Variants in CACNG3 observed in about 807,000 individuals in gnomAD.
The protein encoded by CACNG3 is calcium voltage-gated channel auxiliary subunit gamma 3.
Under a neutral mutation model 28.5 loss-of-function variants are expected in CACNG3, and 3 were observed. The ratio of observed to expected loss-of-function variants is 0.11; its 90% CI spans 0.05 to 0.27. The LOEUF (loss-of-function observed/expected upper bound fraction) is 0.27. Ranked by LOEUF, CACNG3 falls within the 10% of genes least tolerant of loss-of-function variation. The pLI, the probability that CACNG3 is intolerant of heterozygous loss-of-function variation, is 1.00. For missense variants in CACNG3, 236 were observed against 414.4 expected, an observed-to-expected ratio of 0.57 and a Z score of 3.74; for synonymous variants, 174 against 162.2, an observed-to-expected ratio of 1.07 and a Z score of -0.55.
intron 1 of CACNG3, among the ~76,000 whole-genome samples, chr16:24,300,816 A>G (rs1899098530): frequency 6.6e-6 from 1 of 152,048 alleles, no homozygotes; most frequent in African/African-American, 2.4e-5. Flanking sequence ...CACTTTTGGA[A>G]GCTAAGGGGG....
At chr16:24,358,946 C>T (rs898186328) in intron 3 of CACNG3, among the ~76,000 whole-genome samples, 6 of 152,270 alleles carry the variant, frequency 3.9e-5, no homozygotes, top group African/African-American at 1.4e-4. Context: ...AAAGATTTTG[C>T]ACAGTGTGTG....
At chr16:24,270,887 G>C (rs2141347256) in intron 1 of CACNG3, among the ~76,000 whole-genome samples, 1 of 152,320 alleles carries the variant, frequency 6.6e-6, no homozygotes, top group African/African-American at 2.4e-5. Flanking sequence ...AAGCCAAGTG[G>C]CTCACTGGGG....
chr16:24,269,426 G>A (rs1462130287), intron 1 of CACNG3, among the ~76,000 whole-genome samples: 2 of 152,074 alleles, frequency 1.3e-5, no homozygotes, highest in Admixed American at 1.3e-4. Flanking sequence ...CAATTCAGCA[G>A]CCTGTAGTTT....
At chr16:24,311,195 T>A (rs1442484336) in intron 1 of CACNG3, among the ~76,000 whole-genome samples, 3 of 152,192 alleles carry the variant, frequency 2.0e-5, no homozygotes, top group African/African-American at 4.8e-5. Flanking sequence ...ATGGGGTTAT[T>A]ATGAGTTAGT....
chr16:24,329,640 G>A (rs1186658662), intron 1 of CACNG3, among the ~76,000 whole-genome samples: 4 of 152,096 alleles, frequency 2.6e-5, no homozygotes, highest in African/African-American at 9.7e-5. Flanking sequence ...TTTTAATGAA[G>A]AAAGTGTCAC....
At chr16:24,355,151 C>T (rs1243497912) in intron 3 of CACNG3, among the ~76,000 whole-genome samples, 178 bp downstream of exon 3, 2 of 149,756 alleles carry the variant, frequency 1.3e-5, no homozygotes, top group African/African-American at 2.4e-5. Flanking sequence ...AAAACTCTAG[C>T]TAAAGCCGGC....
At chr16:24,291,541 G>T (rs181010718) in intron 1 of CACNG3, among the ~76,000 whole-genome samples, 1 of 152,180 alleles carries the variant, frequency 6.6e-6, no homozygotes, top group African/African-American at 2.4e-5. Context: ...ACCTGGGGCT[G>T]AATGAAAGGC....
intron 1 of CACNG3, among the ~76,000 whole-genome samples, chr16:24,308,581 G>A (rs1042657943): frequency 5.3e-5 from 8 of 152,016 alleles, no homozygotes; most frequent in African/African-American, 1.4e-4. Flanking sequence ...CAGGCCAGGC[G>A]CCGTGGCTCA....
At chr16:24,321,711 G>A (rs754593283) in intron 1 of CACNG3, among the ~76,000 whole-genome samples, 2 of 152,138 alleles carry the variant, frequency 1.3e-5, no homozygotes, top group African/African-American at 4.8e-5. Context: ...ATCTAGGGAA[G>A]GAATCTCCTA....
chr16:24,341,258 T>A (rs1899783232), intron 1 of CACNG3, among the ~76,000 whole-genome samples: 1 of 152,250 alleles, frequency 6.6e-6, no homozygotes, highest in Non-Finnish European at 1.5e-5. Context: ...CTTACATGAA[T>A]GTCCAAGCTC....
chr16:24,309,554 G>A (rs1006782500), intron 1 of CACNG3, among the ~76,000 whole-genome samples: 1 of 152,246 alleles, frequency 6.6e-6, no homozygotes, highest in African/African-American at 2.4e-5. Context: ...TGCCTATTGA[G>A]TGAGCAGATG....
intron 1 of CACNG3, among the ~76,000 whole-genome samples, chr16:24,337,000 A>T (rs1406992472): frequency 6.6e-6 from 1 of 151,950 alleles, no homozygotes; most frequent in Non-Finnish European, 1.5e-5. Context: ...CTTTTTGTAG[A>T]GAGGGGTCTT....
At chr16:24,278,069 G>A (rs929097703) in intron 1 of CACNG3, among the ~76,000 whole-genome samples, 11 of 152,248 alleles carry the variant, frequency 7.2e-5, no homozygotes, top group African/African-American at 1.4e-4. Context: ...TTTTTGAGAC[G>A]TAAGAAGGGA....
rs144644256 is a variant in CACNG3, at chr16:24,265,338, A to G, written c.211+8373A>G. Among the ~76,000 whole-genome samples the G allele has an allele frequency of 2.9e-3, 380 of 133,066 alleles. 1 individual carries two copies. Among genetic ancestry groups the G allele is most frequent in the African/African-American group, 0.011 (368 of 32,258 alleles). 87.3% of individuals were successfully genotyped at this position (133,066 alleles called of 152,430 possible). A position where few individuals can be genotyped will look rare whatever the true frequency, so the allele number is the denominator to read the frequency against. On this transcript the variant is annotated intron_variant, in intron 1 of 3. Coordinates refer to ENST00000005284, the MANE Select transcript of CACNG3 (RefSeq NM_006539.4). ...AGGAAGGAAGGAAAAGAAAGAAGGA[A>G]AGAAAGAAAAAGGAAAGAAAGAAAG...
At chr16:24,308,864 A>G (rs1207633653) in intron 1 of CACNG3, among the ~76,000 whole-genome samples, 2 of 149,382 alleles carry the variant, frequency 1.3e-5, no homozygotes, top group African/African-American at 2.5e-5. Context: ...AAAAAAAAAA[A>G]AAAGAAAAGA....
intron 1 of CACNG3, among the ~76,000 whole-genome samples, chr16:24,309,795 T>A (rs1159971834): frequency 6.6e-6 from 1 of 152,152 alleles, no homozygotes; most frequent in African/African-American, 2.4e-5. Flanking sequence ...GGAGATGTAT[T>A]CCAGGCAGAG....
intron 1 of CACNG3, among the ~76,000 whole-genome samples, chr16:24,263,694 C>CTGTGAAA (rs1898563240): frequency 6.6e-6 from 1 of 152,150 alleles, no homozygotes; most frequent in East Asian, 1.9e-4. Flanking sequence ...ATTTACTTAC[C>CTGTGAAA]TGTGAAATGG....
rs549566104 is a variant in CACNG3, at chr16:24,347,553, G to A, written c.295+736G>A. Among the ~76,000 whole-genome samples, 53 of 152,298 alleles carry A rather than the reference G, an allele frequency of 3.5e-4. 1 individual carries two copies. The East Asian group carries it at 4.8e-3, about 14-fold the overall frequency. On this transcript the variant is annotated intron_variant, in intron 2 of 3. Coordinates refer to ENST00000005284, the MANE Select transcript of CACNG3 (RefSeq NM_006539.4). ...GGTGCTAATGGCAGAGTGCTAATGGGTGATGTGAGGTGCTAATGGGTGAGG... is the reference window on the plus strand; with the variant it reads ...GGTGCTAATGGCAGAGTGCTAATGGATGATGTGAGGTGCTAATGGGTGAGG...
At chr16:24,319,460 T>C (rs990457909) in intron 1 of CACNG3, among the ~76,000 whole-genome samples, 2 of 152,198 alleles carry the variant, frequency 1.3e-5, no homozygotes, top group African/African-American at 4.8e-5. Flanking sequence ...TGCAAAGTTA[T>C]GGTTTTTGCA....
Sources: gnomAD v4.1 joint callset for allele counts (sites outside exome capture counted in the v4.1 genomes callset) on GRCh38, gnomAD v4.1.1 for gene constraint, MANE v1.5 for transcripts, NCBI Gene and HGNC (gene_info 2026-07-23, HGNC 2026-07-21) for gene names.